CLHC1: variants seen among roughly 807,000 people sequenced by gnomAD.
CLHC1 encodes clathrin heavy chain linker domain-containing protein 1.
A neutral mutation model predicts 69.5 loss-of-function variants in CLHC1; 72 were observed. The ratio of observed to expected loss-of-function variants is 1.04; its 90% CI spans 0.86 to 1.26. The LOEUF (loss-of-function observed/expected upper bound fraction) is 1.26, where lower values mean the gene tolerates loss of function less well. Among genes scored for constraint, CLHC1 ranks in the 50% most tolerant of loss-of-function variants. CLHC1 has a pLI of 0.00. For synonymous variants in CLHC1, 223 were observed against 224.3 expected, an observed-to-expected ratio of 0.99 and a Z score of 0.05; for missense variants, 790 against 679.3, an observed-to-expected ratio of 1.16 and a Z score of -1.81.
At chr2:55,179,158 G>A (rs1421507166) in intron 11 of CLHC1, among the ~76,000 whole-genome samples, 2 of 151,876 alleles carry the variant, frequency 1.3e-5, no homozygotes, top group Non-Finnish European at 2.9e-5. Context: ...CTTACATATG[G>A]AAAAATAATA....
At chr2:55,228,749 C>T (rs551196695) in intron 1 of CLHC1, among the ~76,000 whole-genome samples, 45 of 152,268 alleles carry the variant, frequency 3.0e-4, no homozygotes, top group African/African-American at 1.0e-3. Context: ...TTGGGGGACA[C>T]CTATTGTTTG....
chr2:55,175,941 T>C lies in CLHC1; in HGVS notation c.1610A>G (p.Glu537Gly). The C allele has an allele frequency of 6.2e-7, 1 of 1,614,084 alleles. No homozygotes were observed. The highest frequency in any genetic ancestry group is 8.5e-7 in the Non-Finnish European group (1 of 1,179,964). Residue 537 changes from glutamate (E) to glycine (G), a missense_variant, in exon 13 of 13, where the codon GAA becomes GGA. Glu to Gly is a moderately conservative substitution (Grantham distance 98, BLOSUM62 -2). Coordinates refer to ENST00000401408, the MANE Select transcript of CLHC1 (RefSeq NM_152385.4). ...TATATTTGCCACTTCTTGCCACTTT[T>C]CTATGGAGCAAAAGGAATCATTTAT... is the stretch of plus-strand genomic sequence containing the variant. The part of the protein sequence containing the change: ...LMINDSFCSI[E>G]KWQEVANICS...
chr2:55,182,675 G>C (rs577975578), intron 9 of CLHC1, among the ~76,000 whole-genome samples: 1 of 152,320 alleles, frequency 6.6e-6, no homozygotes, highest in Admixed American at 6.5e-5. Flanking sequence ...TGCCTGGAAA[G>C]TTTAAAGGTG....
intron 2 of CLHC1, among the ~76,000 whole-genome samples, chr2:55,226,179 G>T (rs958472422): frequency 2.2e-5 from 3 of 135,034 alleles, no homozygotes. Context: ...GCAACTGAGC[G>T]AGACTCCATT....
At position 55,206,252 on chromosome 2, in the gene CLHC1, T is replaced by G; in HGVS notation, c.1006+18A>C. The G allele has an allele frequency of 1.4e-6, 2 of 1,395,514 alleles. No individual in the cohort carries two copies. Among genetic ancestry groups the G allele is most frequent in the Non-Finnish European group, 2.0e-6 (2 of 983,420 alleles). 86.4% of individuals were successfully genotyped at this position (1,395,514 alleles called of 1,614,324 possible). Reference sequence around the variant, plus strand: ...GTAAATTTTCATACATATATAAGGTTCAGAGAGAAATGCTTACCCTTAAAT... The same window carrying G: ...GTAAATTTTCATACATATATAAGGTGCAGAGAGAAATGCTTACCCTTAAAT... On this transcript the variant is annotated intron_variant, in intron 9 of 12. Coordinates refer to ENST00000401408, the MANE Select transcript of CLHC1 (RefSeq NM_152385.4).
chr2:55,185,133 G>T (rs1397189802), intron 9 of CLHC1, among the ~76,000 whole-genome samples: 1 of 152,070 alleles, frequency 6.6e-6, no homozygotes, highest in Non-Finnish European at 1.5e-5. Context: ...ACAAAATTCT[G>T]AAAGCCAGAA....
intron 9 of CLHC1, among the ~76,000 whole-genome samples, chr2:55,201,244 A>T (rs1024496228): frequency 3.1e-5 from 4 of 127,242 alleles, no homozygotes; most frequent in African/African-American, 5.2e-5. Flanking sequence ...TGAAGAGTTT[A>T]AAAAAAAAAA....
chr2:55,173,704 T>A lies in CLHC1; in HGVS notation c.*2086A>T, dbSNP rs1669146267. Among the ~76,000 whole-genome samples the A allele has an allele frequency of 6.6e-6, 1 of 152,208 alleles. No individual in the cohort carries two copies. The highest frequency in any genetic ancestry group is 2.1e-4 in the South Asian group (1 of 4,834). ...TCACAACTCAATTCTTTCTCCTTCCTCATTTAACTTTGTAATCTTGCTCTT... is the reference window on the plus strand; with the variant it reads ...TCACAACTCAATTCTTTCTCCTTCCACATTTAACTTTGTAATCTTGCTCTT... On this transcript the variant is annotated 3_prime_UTR_variant, in exon 13 of 13. Coordinates refer to ENST00000401408, the MANE Select transcript of CLHC1 (RefSeq NM_152385.4).
At chr2:55,183,895 C>G (rs1344256375) in intron 9 of CLHC1, among the ~76,000 whole-genome samples, 1 of 151,932 alleles carries the variant, frequency 6.6e-6, no homozygotes, top group Non-Finnish European at 1.5e-5. Flanking sequence ...ATTCTCTTGC[C>G]TCAGCCTCCC....
At chr2:55,221,424 C>T (rs528214417) in intron 3 of CLHC1, among the ~76,000 whole-genome samples, 1 of 152,302 alleles carries the variant, frequency 6.6e-6, no homozygotes, top group South Asian at 2.1e-4. Flanking sequence ...CTCCCTATTT[C>T]CAATATTAAT....
chr2:55,231,442 G>A (rs955777198), intron 1 of CLHC1, among the ~76,000 whole-genome samples: 1 of 152,136 alleles, frequency 6.6e-6, no homozygotes, highest in African/African-American at 2.4e-5. Context: ...ATTGTATCCT[G>A]AAGGTGAGGT....
intron 9 of CLHC1, among the ~76,000 whole-genome samples, chr2:55,182,039 A>G (rs1309436851): frequency 1.3e-5 from 2 of 152,116 alleles, no homozygotes; most frequent in African/African-American, 4.8e-5. Flanking sequence ...AATCTCCCTT[A>G]GAGCCTCCAG....
At chr2:55,205,937 A>C (rs2103908220) in intron 9 of CLHC1, among the ~76,000 whole-genome samples, 1 of 152,258 alleles carries the variant, frequency 6.6e-6, no homozygotes, top group South Asian at 2.1e-4. Context: ...TAATATGTAC[A>C]ATTTGTTGTA....
chr2:55,179,246 T>A (rs1175307041), intron 11 of CLHC1, among the ~76,000 whole-genome samples: 7 of 152,184 alleles, frequency 4.6e-5, no homozygotes, highest in East Asian at 1.9e-4. Context: ...GATTCTGTCC[T>A]GTCACTACAT....
At position 55,209,709 on chromosome 2, in the gene CLHC1, C is replaced by A; in HGVS notation, c.622G>T (p.Ala208Ser). Residue 208 changes from alanine to serine, a missense_variant, in exon 6 of 13, where the codon GCT becomes TCT. Transcript: ENST00000401408. ...ACAATCATTTCTTCATCTAAATCAG[C>A]CTTCCTCTGAGCTGGCACATATTTT... ...LIKYVPAQRKADLDEEMIVLL... is the reference protein window; with the variant it reads ...LIKYVPAQRKSDLDEEMIVLL... The A allele has an allele frequency of 6.2e-7, 1 of 1,613,962 alleles. No homozygotes were observed. Among genetic ancestry groups the A allele is most frequent in the South Asian group, 1.1e-5 (1 of 91,070 alleles).
At chr2:55,190,211 ATTT>A in intron 9 of CLHC1, among the ~76,000 whole-genome samples, 1 of 131,446 alleles carries the variant, frequency 7.6e-6, no homozygotes, top group South Asian at 2.4e-4. Flanking sequence ...CACCCGGCTA[ATTT>A]TTTTGTATTT....
chr2:55,204,996 T>G (rs1672303780), intron 9 of CLHC1, among the ~76,000 whole-genome samples: 1 of 151,922 alleles, frequency 6.6e-6, no homozygotes, highest in South Asian at 2.1e-4. Context: ...ATAGTTAAAT[T>G]GTTAAAATGG....
chr2:55,183,941 C>T (rs1670158774), intron 9 of CLHC1, among the ~76,000 whole-genome samples: 1 of 151,918 alleles, frequency 6.6e-6, no homozygotes, highest in African/African-American at 2.4e-5. Flanking sequence ...CTACCACGCC[C>T]GGCTAATTTT....
chr2:55,189,431 C>T (rs1177241953), intron 9 of CLHC1, among the ~76,000 whole-genome samples: 2 of 152,158 alleles, frequency 1.3e-5, no homozygotes, highest in Non-Finnish European at 2.9e-5. Flanking sequence ...TATAAAATAA[C>T]AGCCTTCAAG....
Sources: allele counts gnomAD v4.1 joint callset (sites outside exome capture counted in the v4.1 genomes callset), GRCh38; gene constraint gnomAD v4.1.1; transcripts MANE v1.5; gene names NCBI Gene and HGNC (gene_info 2026-07-23, HGNC 2026-07-21).